HLCS: variants seen among roughly 807,000 people sequenced by gnomAD.
The protein encoded by HLCS is holocarboxylase synthetase.
Under a neutral mutation model 75.0 loss-of-function variants are expected in HLCS, and 53 were observed. The observed-to-expected ratio is 0.71, with a 90% confidence interval of 0.57 to 0.89. HLCS has a LOEUF of 0.89. HLCS is among the 40% of genes least tolerant of loss of function. The pLI, the probability that HLCS is intolerant of heterozygous loss-of-function variation, is 0.00. For missense variants in HLCS, 966 were observed against 1,074.0 expected, an observed-to-expected ratio of 0.90 and a Z score of 1.41; for synonymous variants, 431 against 428.6, an observed-to-expected ratio of 1.01 and a Z score of -0.07.
At chr21:36,790,367 G>T (rs1036063454) in intron 6 of HLCS, among the ~76,000 whole-genome samples, 1 of 152,180 alleles carries the variant, frequency 6.6e-6, no homozygotes, top group Non-Finnish European at 1.5e-5. Context: ...TCGTGCGACT[G>T]CACTCCAGCC....
chr21:36,872,599 G>C (rs768188212), intron 6 of HLCS, among the ~76,000 whole-genome samples: 1 of 152,138 alleles, frequency 6.6e-6, no homozygotes, highest in Non-Finnish European at 1.5e-5. Flanking sequence ...AAATGGAATA[G>C]CACACTATGT....
At chr21:36,783,434 A>C (rs1181928414) in intron 6 of HLCS, among the ~76,000 whole-genome samples, 1 of 152,212 alleles carries the variant, frequency 6.6e-6, no homozygotes, top group Non-Finnish European at 1.5e-5. Context: ...AGAGGCAGTA[A>C]TTCTCTTCTG....
At chr21:36,806,454 A>G (rs542366135) in intron 6 of HLCS, among the ~76,000 whole-genome samples, 17 of 152,276 alleles carry the variant, frequency 1.1e-4, no homozygotes, top group African/African-American at 4.1e-4. Flanking sequence ...TTTTGAAAGA[A>G]GCAGGTGAGG....
rs144387759 is a variant in HLCS at position 36,823,475 on chromosome 21, C to T, written c.1893-56190G>A. On this transcript the variant is annotated intron_variant, in intron 6 of 10. Transcript: ENST00000674895. ...ATTCCTTGCAAACTAGAAACACGAA[C>T]TTGTTAACCTCCTTCAAGGATGCAA... Among the ~76,000 whole-genome samples, 594 of 152,302 alleles carry T rather than the reference C, an allele frequency of 3.9e-3. 2 individuals carry two copies. Among genetic ancestry groups the T allele is most frequent in the African/African-American group, 0.013 (547 of 41,542 alleles).
At chr21:36,833,614 T>TATATATATATATATATATATATATATATA (rs1569076054) in intron 6 of HLCS, among the ~76,000 whole-genome samples, 3 of 146,588 alleles carry the variant, frequency 2.0e-5, no homozygotes, top group African/African-American at 7.6e-5. Flanking sequence ...TATATATATA[T>TATATATATATATATATATATATATATATA]TTGATTTGGA....
chr21:36,948,932 A>G (rs184685883), intron 2 of HLCS, among the ~76,000 whole-genome samples: 64 of 152,224 alleles, frequency 4.2e-4, no homozygotes, highest in African/African-American at 1.5e-3. Flanking sequence ...GTCTCGCTGA[A>G]TAACTGAGAA....
At chr21:36,835,011 A>C (rs754653839) in intron 6 of HLCS, among the ~76,000 whole-genome samples, 1 of 152,230 alleles carries the variant, frequency 6.6e-6, no homozygotes, top group African/African-American at 2.4e-5. Context: ...AGCCTTCTCG[A>C]GAACAGAAGA....
At chr21:36,821,014 A>G (rs1035118543) in intron 6 of HLCS, among the ~76,000 whole-genome samples, 5 of 152,196 alleles carry the variant, frequency 3.3e-5, no homozygotes, top group Non-Finnish European at 7.3e-5. Flanking sequence ...GGTGCCCGGC[A>G]AGAGGGTGTA....
intron 6 of HLCS, among the ~76,000 whole-genome samples, chr21:36,801,216 C>T (rs897810877): frequency 6.6e-5 from 10 of 152,176 alleles, no homozygotes; most frequent in Non-Finnish European, 1.5e-4. Flanking sequence ...CCTTGTCATT[C>T]GTGCCAGCCA....
intron 2 of HLCS, among the ~76,000 whole-genome samples, chr21:36,955,022 T>C (rs1414481414): frequency 2.0e-5 from 3 of 152,142 alleles, no homozygotes; most frequent in Admixed American, 1.3e-4. Flanking sequence ...GATAGTGCCA[T>C]TGAACTCTAG....
chr21:36,962,791 C>T (rs1191568169), intron 1 of HLCS, among the ~76,000 whole-genome samples: 2 of 45,100 alleles, frequency 4.4e-5, no homozygotes, highest in Non-Finnish European at 9.5e-5. Context: ...GAGACCCTAT[C>T]TCAAAAAAAA....
chr21:36,829,219 A>G (rs1294449027), intron 6 of HLCS, among the ~76,000 whole-genome samples: 1 of 152,182 alleles, frequency 6.6e-6, no homozygotes, highest in African/African-American at 2.4e-5. Flanking sequence ...TGTTTTACCT[A>G]TGAGATGTAT....
intron 4 of HLCS, among the ~76,000 whole-genome samples, chr21:36,935,324 T>A (rs1432813765): frequency 6.6e-6 from 1 of 152,326 alleles, no homozygotes; most frequent in African/African-American, 2.4e-5. Flanking sequence ...ATGTCCAAAT[T>A]CCTTAATTTT....
chr21:36,889,055 C>T (rs935336344), intron 6 of HLCS, among the ~76,000 whole-genome samples: 34 of 152,168 alleles, frequency 2.2e-4, no homozygotes, highest in Admixed American at 3.3e-4. Flanking sequence ...CAGGCATGGA[C>T]GCTGCCTGAG....
At chr21:36,859,811 G>A (rs2063322667) in intron 6 of HLCS, among the ~76,000 whole-genome samples, 1 of 152,240 alleles carries the variant, frequency 6.6e-6, no homozygotes, top group Admixed American at 6.5e-5. Flanking sequence ...TCCCAGACAT[G>A]TTTGTGGGGA....
At chr21:36,780,232 T>C (rs9305605) in intron 6 of HLCS, among the ~76,000 whole-genome samples, 81,673 of 151,866 alleles carry the variant, frequency 0.54, 22,447 homozygotes, top group South Asian at 0.61. Flanking sequence ...AATAAGTTCA[T>C]AGAGCTTTTC....
intron 1 of HLCS, among the ~76,000 whole-genome samples, chr21:36,983,160 C>T (rs913701741): frequency 9.5e-4 from 144 of 152,224 alleles, no homozygotes; most frequent in African/African-American, 3.3e-3. Context: ...CCGCTCTTGC[C>T]TCCCACGGTC....
intron 2 of HLCS, chr21:36,946,117 T>C (rs2067380368): frequency 3.0e-6 from 3 of 984,900 alleles, no homozygotes; most frequent in South Asian, 4.7e-5. Context: ...AGTAACCTCA[T>C]GAGAAACCAC....
intron 4 of HLCS, among the ~76,000 whole-genome samples, chr21:36,931,670 AC>A (rs1490285886): frequency 1.3e-5 from 2 of 151,706 alleles, no homozygotes; most frequent in African/African-American, 2.4e-5. Context: ...GATCCCTTGA[AC>A]CCAGGAGGTT....
Sources: allele counts gnomAD v4.1 joint callset (sites outside exome capture counted in the v4.1 genomes callset), GRCh38; gene constraint gnomAD v4.1.1; transcripts MANE v1.5; gene names NCBI Gene and HGNC (gene_info 2026-07-23, HGNC 2026-07-21).